Variants in SRGN observed in about 807,000 individuals in gnomAD.
SRGN encodes serglycin.
A neutral mutation model predicts 9.5 loss-of-function variants in SRGN; 2 were observed. The observed-to-expected ratio is 0.21, with a 90% CI of 0.09 to 0.66. SRGN has a LOEUF of 0.66. SRGN is among the 30% of genes least tolerant of loss of function. SRGN has a pLI of 0.83. For missense variants in SRGN, 170 were observed against 192.4 expected, an observed-to-expected ratio of 0.88 and a Z score of 0.69; for synonymous variants, 59 against 72.3, an observed-to-expected ratio of 0.82 and a Z score of 0.93.
intron 2 of SRGN, among the ~76,000 whole-genome samples, chr10:69,097,956 G>A (rs1037844424): frequency 2.0e-5 from 3 of 152,124 alleles, no homozygotes; most frequent in South Asian, 2.1e-4. Context: ...GTTTTGCTTC[G>A]AGCTCTTGCT....
chr10:69,100,965 A>ATTTTT (rs34732911), intron 2 of SRGN, among the ~76,000 whole-genome samples: 1 of 139,504 alleles, frequency 7.2e-6, no homozygotes. Context: ...GGAGGGAAGT[A>ATTTTT]TTTTTTTCTT....
chr10:69,103,616 A>T (rs1341058803), intron 2 of SRGN, among the ~76,000 whole-genome samples: 1 of 152,210 alleles, frequency 6.6e-6, no homozygotes, highest in Non-Finnish European at 1.5e-5. Context: ...TAACAAAATT[A>T]ACACTGTTTA....
chr10:69,088,218 C>G lies in SRGN; in HGVS notation c.61C>G (p.Leu21Val), dbSNP rs746179062. The change falls in exon 1 of 3, where the codon CTG (leucine) becomes GTG (valine). Residue 21 changes from leucine (L) to valine (V), a missense_variant. Transcript: ENST00000242465. ...LVLALALILV[L>V]ESSVQGYPTR... ...CCTGGCTCTTGCCCTCATCCTGGTT[C>G]TGGAATCCTCAGTTCAAGGTAAGAC... 1.9e-6 allele frequency: 3 copies of G among 1,613,982 alleles called. No individual in the cohort carries two copies. In the Admixed American group the frequency reaches 5.0e-5, roughly 27 times the overall value.
At chr10:69,094,876 T>C (rs1324690581) in intron 1 of SRGN, among the ~76,000 whole-genome samples, 1 of 151,810 alleles carries the variant, frequency 6.6e-6, no homozygotes, top group Non-Finnish European at 1.5e-5. Flanking sequence ...TGCTGGGATT[T>C]CAGGCATGAG....
chr10:69,092,738 G>A (rs956242427), intron 1 of SRGN, among the ~76,000 whole-genome samples: 2 of 147,084 alleles, frequency 1.4e-5, no homozygotes, highest in African/African-American at 5.0e-5. Context: ...AGGTTGCAGT[G>A]AGCTGAGATT....
chr10:69,100,413 T>A (rs1335239747), intron 2 of SRGN, among the ~76,000 whole-genome samples: 1 of 151,432 alleles, frequency 6.6e-6, no homozygotes. Flanking sequence ...AATAAACACA[T>A]TTAAAATAAA....
rs56862746 is a variant in SRGN, at chr10:69,093,410, A to T, written c.80-3674A>T. Among the ~76,000 whole-genome samples the T allele has an allele frequency of 2.0e-4, 31 of 152,174 alleles. No individual in the cohort carries two copies. The East Asian group carries it at 5.2e-3, about 26-fold the overall frequency. On this transcript the variant is annotated intron_variant, in intron 1 of 2. Transcript: ENST00000242465. The stretch of plus-strand genomic sequence containing the variant: ...GCCGCTGGAACATTTAAAACTCCCT[A>T]TGTGGTTTGCTTTGTGTTTCTATTG...
At position 69,090,003 on chromosome 10, in the gene SRGN, C is replaced by T. The variant is rs960757481; in HGVS notation, c.79+1767C>T. On this transcript the variant is annotated intron_variant, in intron 1 of 2. Transcript: ENST00000242465. ...AATACTAGCATTTATGTCATGACCT[C>T]GTAGGTTTAGCTCTTTGTTAGAAAA... Among the ~76,000 whole-genome samples the T allele has an allele frequency of 2.6e-5, 4 of 152,124 alleles. No individual in the cohort carries two copies. The East Asian group carries it at 5.8e-4, about 22-fold the overall frequency.
chr10:69,093,833 T>C (rs952706689), intron 1 of SRGN, among the ~76,000 whole-genome samples: 2 of 152,012 alleles, frequency 1.3e-5, no homozygotes, highest in African/African-American at 4.8e-5. Flanking sequence ...GCCACAGCAC[T>C]CCAGCCTGGG....
At position 69,104,538 on chromosome 10, in the gene SRGN, A is replaced by G. The variant is rs1840360710; in HGVS notation, c.*418A>G. On this transcript the variant is annotated 3_prime_UTR_variant, in exon 3 of 3. Transcript: ENST00000242465. The stretch of plus-strand genomic sequence containing the variant: ...TTTTCTTATAAAAACAAAAAAAAAA[A>G]TAATGAAACACAGTGAATTTGTAGA... The G allele has an allele frequency of 6.5e-6, 1 of 152,906 alleles. No homozygotes were observed. 9.5% of individuals were successfully genotyped at this position (152,906 alleles called of 1,614,324 possible). A position where few individuals can be genotyped will look rare whatever the true frequency, so the allele number is the denominator to read the frequency against.
rs1340700334 is a variant in SRGN at position 69,103,829 on chromosome 10, A to T, written c.228-42A>T. ...ATTATAATTATCTTTCCCACATATC[A>T]AACTCCACTGGTTTTTTTCCCATTT... is the stretch of plus-strand genomic sequence containing the variant. On this transcript the variant is annotated intron_variant, in intron 2 of 2. Coordinates refer to ENST00000242465, the MANE Select transcript of SRGN (RefSeq NM_002727.4). 2.5e-6 allele frequency: 4 copies of T among 1,602,244 alleles called. No individual in the cohort carries two copies. The South Asian group carries it at 4.5e-5, about 18-fold the overall frequency.
chr10:69,100,824 TC>T (rs1426304305), intron 2 of SRGN, among the ~76,000 whole-genome samples: 1 of 151,952 alleles, frequency 6.6e-6, no homozygotes, highest in African/African-American at 2.4e-5. Context: ...ATGTTTCTTC[TC>T]CTTACTCCCT....
At chr10:69,091,069 A>C (rs1453484175) in intron 1 of SRGN, among the ~76,000 whole-genome samples, 1 of 152,204 alleles carries the variant, frequency 6.6e-6, no homozygotes, top group African/African-American at 2.4e-5. Flanking sequence ...TTTCACATCC[A>C]TTCTCTGGTA....
intron 2 of SRGN, among the ~76,000 whole-genome samples, chr10:69,097,466 G>A (rs1840200522): frequency 8.2e-6 from 1 of 122,508 alleles, no homozygotes; most frequent in Admixed American, 1.1e-4. Flanking sequence ...TCAGTCTGTC[G>A]CTCAGGCTGG....
At chr10:69,103,244 G>A (rs1480149452) in intron 2 of SRGN, among the ~76,000 whole-genome samples, 1 of 151,946 alleles carries the variant, frequency 6.6e-6, no homozygotes, top group East Asian at 1.9e-4. Flanking sequence ...CGGCCAAGAG[G>A]ACTTCTTTTA....
chr10:69,097,248 C>CTAAT lies in SRGN; in HGVS notation c.227+32_227+35dup, dbSNP rs749111823. On this transcript the variant is annotated intron_variant, in intron 2 of 2. Transcript: ENST00000242465. Reference sequence around the variant, plus strand: ...CCTTTTTCCGTAAGTGGACTTTTCTCTAATTAATTAATTAATTACTTATTT... The same window carrying CTAAT: ...CCTTTTTCCGTAAGTGGACTTTTCTCTAATTAATTAATTAATTAATTACTTATTT... 33 of 1,592,036 alleles carry CTAAT rather than the reference C, an allele frequency of 2.1e-5. No individual in the cohort carries two copies. Among genetic ancestry groups the CTAAT allele is most frequent in the Middle Eastern group, 1.7e-4 (1 of 5,872 alleles).
intron 1 of SRGN, among the ~76,000 whole-genome samples, chr10:69,088,821 T>G (rs1369720627): frequency 1.3e-5 from 2 of 152,162 alleles, no homozygotes; most frequent in Non-Finnish European, 2.9e-5. Context: ...GCCAAATAAT[T>G]TGGTATTTGT....
intron 2 of SRGN, among the ~76,000 whole-genome samples, chr10:69,099,320 T>TC (rs1231294847): frequency 6.6e-6 from 1 of 151,318 alleles, no homozygotes; most frequent in Non-Finnish European, 1.5e-5. Context: ...TTTTTTTTTT[T>TC]TTTTGAGACA....
rs952307754 is a variant in SRGN, at chr10:69,095,525, CT to C, written c.80-1554del. ...ATGCTTGGAGTGGGGAGGAGATGAA[CT>C]TTTTGAAGGGCGGTGAAGTATTTCT... On this transcript the variant is annotated intron_variant, in intron 1 of 2. Transcript: ENST00000242465. Among the ~76,000 whole-genome samples, 63 of 152,098 alleles carry C rather than the reference CT, an allele frequency of 4.1e-4. 1 individual carries two copies. The highest frequency in any genetic ancestry group is 1.3e-3 in the African/African-American group (56 of 41,506).
Sources: allele counts gnomAD v4.1 joint callset (sites outside exome capture counted in the v4.1 genomes callset), GRCh38; gene constraint gnomAD v4.1.1; transcripts MANE v1.5; gene names NCBI Gene and HGNC (gene_info 2026-07-23, HGNC 2026-07-21).